The following BPIFB6 variants were observed in gnomAD, a reference collection of about 807,000 sequenced individuals.
BPIFB6 encodes the protein BPI fold-containing family B member 6.
In BPIFB6, 47 loss-of-function variants were observed where a neutral mutation model predicts 54.7. The observed-to-expected ratio is 0.86, with a 90% confidence interval of 0.68 to 1.10. The LOEUF (loss-of-function observed/expected upper bound fraction) is 1.10. Among genes scored for constraint, BPIFB6 ranks in the 50% least tolerant of loss-of-function variants. The pLI is 0.00. For missense variants in BPIFB6, 603 were observed against 564.1 expected, an observed-to-expected ratio of 1.07 and a Z score of -0.70; for synonymous variants, 255 against 225.9, an observed-to-expected ratio of 1.13 and a Z score of -1.16.
chr20:33,032,928 G>A, intron 1 of BPIFB6, 56 bp from the exon 2 acceptor site: 1 of 1,416,382 alleles, frequency 7.1e-7, no homozygotes, highest in Non-Finnish European at 1.0e-6. Flanking sequence ...AGTGGCCTGG[G>A]ATACCTGAGT....
intron 8 of BPIFB6, among the ~76,000 whole-genome samples, chr20:33,038,170 A>T (rs1600525672): frequency 6.6e-6 from 1 of 152,116 alleles, no homozygotes; most frequent in Admixed American, 6.5e-5. Flanking sequence ...GAATGTATGC[A>T]CCTGCCATGT....
In BPIFB6 at chr20:33,034,854, T is replaced by C; in HGVS notation, c.394T>C (p.Phe132Leu). The stretch of plus-strand genomic sequence containing the variant: ...GGATGAGGAGACAGGCCTCCCCGTG[T>C]TCAAGAGTGAGGGCTGTGAGGTCAT... The part of the protein sequence containing the change: ...LRDEETGLPV[F>L]KSEGCEVILV... Residue 132 changes from phenylalanine (F) to leucine (L), a missense_variant, in exon 4 of 15, where the codon TTC (phenylalanine) becomes CTC (leucine). Physicochemically the swap from Phe to Leu is conservative, Grantham distance 22. Transcript: ENST00000349552. 1 of 1,613,764 alleles carries C rather than the reference T, an allele frequency of 6.2e-7. No individual in the cohort carries two copies. The highest frequency in any genetic ancestry group is 8.5e-7 in the Non-Finnish European group (1 of 1,179,744).
rs574597949 is a variant in BPIFB6 at position 33,038,131 on chromosome 20, A to T, written c.846+393A>T. On this transcript the variant is annotated intron_variant, in intron 8 of 14. Transcript: ENST00000349552. The stretch of plus-strand genomic sequence containing the variant: ...CCTTCATATCATCCACATAACACCT[A>T]CTACAAAGTCTGATACTGTTGAATG... Among the ~76,000 whole-genome samples, 5 of 152,122 alleles carry T rather than the reference A, an allele frequency of 3.3e-5. No individual in the cohort carries two copies. In the South Asian group the frequency reaches 1.0e-3, roughly 32 times the overall value.
chr20:33,041,515 T>C (rs1979584060), intron 11 of BPIFB6, among the ~76,000 whole-genome samples: 1 of 152,074 alleles, frequency 6.6e-6, no homozygotes, highest in Admixed American at 6.5e-5. Context: ...GAATAGAGAA[T>C]AGATGAGCAG....
chr20:33,043,329 G>A lies in BPIFB6; in HGVS notation c.1291G>A (p.Ala431Thr), dbSNP rs1362857747. The A allele has an allele frequency of 6.2e-7, 1 of 1,614,174 alleles. No individual in the cohort carries two copies. The highest frequency in any genetic ancestry group is 1.7e-5 in the Admixed American group (1 of 60,020). Reference protein sequence around the residue: ...QVGLPLPDFLAMNYNLAELDI... With the variant: ...QVGLPLPDFLTMNYNLAELDI... Reference sequence around the variant, plus strand: ...GGGGCTCCCACTCCCGGACTTTCTGGCCATGAATTACAACCTGGCTGAGCT... The same window carrying A: ...GGGGCTCCCACTCCCGGACTTTCTGACCATGAATTACAACCTGGCTGAGCT... The change falls in exon 14 of 15, where the codon GCC (alanine) becomes ACC (threonine). Residue 431 changes from alanine to threonine, a missense_variant. Coordinates refer to ENST00000349552, the MANE Select transcript of BPIFB6 (RefSeq NM_174897.2).
At chr20:33,032,454 G>A (rs1246118536) in intron 1 of BPIFB6, among the ~76,000 whole-genome samples, 1 of 152,152 alleles carries the variant, frequency 6.6e-6, no homozygotes, top group Non-Finnish European at 1.5e-5. Flanking sequence ...GTCCCCAGAG[G>A]AGTCCCCTAA....
intron 4 of BPIFB6, 28 bp downstream of exon 4, chr20:33,034,940 G>A (rs769630150): frequency 1.9e-6 from 3 of 1,605,796 alleles, no homozygotes; most frequent in Non-Finnish European, 1.7e-6. Context: ...TGGGGAGGAA[G>A]GCCGGTCCAT....
chr20:33,042,109 G>T, intron 12 of BPIFB6, 94 bp downstream of exon 12: 1 of 1,306,746 alleles, frequency 7.7e-7, no homozygotes, highest in Non-Finnish European at 1.1e-6. Context: ...TGAAATGGAG[G>T]CAGATGAACA....
At position 33,033,076 on chromosome 20, in the gene BPIFB6, A is replaced by G; in HGVS notation, c.190A>G (p.Ile64Val). 2.5e-6 allele frequency: 4 copies of G among 1,613,308 alleles called. No individual in the cohort carries two copies. The highest frequency in any genetic ancestry group is 3.4e-6 in the Non-Finnish European group (4 of 1,179,290). ...GCCAGGGATGAAACCTATCAAGGGC[A>G]TCACCAAGTGAGTAGGGGAGGGGAG... ...KQPGMKPIKG[I>V]TNLKVKDVQL... is the part of the protein sequence containing the mutation. The change falls in exon 2 of 15, where the codon ATC becomes GTC. Residue 64 changes from isoleucine to valine, a missense_variant. Ile to Val is a conservative substitution (Grantham distance 29). Transcript: ENST00000349552.
At chr20:33,032,422 C>T (rs1017734003) in intron 1 of BPIFB6, among the ~76,000 whole-genome samples, 9 of 152,158 alleles carry the variant, frequency 5.9e-5, no homozygotes, top group African/African-American at 1.9e-4. Flanking sequence ...TTCTCTGCTT[C>T]AGGCCCAAAG....
In BPIFB6 at chr20:33,036,519, A is replaced by G. The variant is rs756066193; in HGVS notation, c.652A>G (p.Ile218Val). 1.2e-6 allele frequency: 2 copies of G among 1,614,204 alleles called. No individual in the cohort carries two copies. The highest frequency in any genetic ancestry group is 4.5e-5 in the East Asian group (2 of 44,874). Residue 218 changes from isoleucine (I) to valine (V), a missense_variant, in exon 7 of 15, where the codon ATC (isoleucine) becomes GTC (valine). Physicochemically the swap from Ile to Val is conservative, Grantham distance 29. Transcript: ENST00000349552. ...CGCACCAGCCACCACAGCCAGCTAC[A>G]TCCAACTGGACTTCAGTGTAAGCGC... ...MSAPATTASYIQLDFSPVVQQ... is the reference protein window; with the variant it reads ...MSAPATTASYVQLDFSPVVQQ...
intron 7 of BPIFB6, 80 bp downstream of exon 7, chr20:33,036,616 G>T: frequency 7.5e-7 from 1 of 1,338,806 alleles, no homozygotes; most frequent in South Asian, 1.2e-5. Context: ...GCCAGGACAG[G>T]TGGCTGGACT....
chr20:33,033,314 A>AT (rs763633627), intron 2 of BPIFB6: 10 of 628,132 alleles, frequency 1.6e-5, no homozygotes, highest in Non-Finnish European at 2.7e-5. Context: ...GAGCAGGGTC[A>AT]TTTTGAGGAG....
At chr20:33,040,157 G>T (rs1979517605) in intron 10 of BPIFB6, 94 bp from the exon 11 acceptor site, 1 of 1,108,616 alleles carries the variant, frequency 9.0e-7, no homozygotes, top group Non-Finnish European at 1.4e-6. Context: ...CTTGGCAATG[G>T]TGGTAGTGCT....
intron 2 of BPIFB6, 87 bp downstream of exon 2, chr20:33,033,170 A>G (rs770472572): frequency 3.5e-5 from 36 of 1,022,776 alleles, no homozygotes; most frequent in Non-Finnish European, 5.4e-5. Context: ...AGGCCAGGTA[A>G]TGGAGCTGGT....
At chr20:33,038,481 G>A (rs758060681) in intron 8 of BPIFB6, among the ~76,000 whole-genome samples, 10 of 151,326 alleles carry the variant, frequency 6.6e-5, no homozygotes, top group South Asian at 2.1e-4. Context: ...CCATCTTTCC[G>A]TCCACACATC....
In BPIFB6 at chr20:33,039,483, G is replaced by A. The variant is rs775084528; in HGVS notation, c.1037G>A (p.Arg346Gln). The change falls in exon 10 of 15, where the codon CGG (arginine) becomes CAG (glutamine). Residue 346 changes from arginine to glutamine, a missense_variant. Physicochemically the swap from Arg to Gln is conservative, Grantham distance 43 (BLOSUM62 1). Coordinates refer to ENST00000349552, the MANE Select transcript of BPIFB6 (RefSeq NM_174897.2). ...STLEMFAARW[R>Q]SKAPMSLFLL... ...CTGGAGATGTTCGCAGCTCGGTGGCGGAGCAAGGCTCCAATGTCCCTCTTT... is the reference window on the plus strand; with the variant it reads ...CTGGAGATGTTCGCAGCTCGGTGGCAGAGCAAGGCTCCAATGTCCCTCTTT... 87 of 1,613,304 alleles carry A rather than the reference G, an allele frequency of 5.4e-5. No individual in the cohort carries two copies. The highest frequency in any genetic ancestry group is 9.9e-5 in the South Asian group (9 of 90,858).
At chr20:33,040,440 G>A in intron 11 of BPIFB6, 122 bp downstream of exon 11, 1 of 890,340 alleles carries the variant, frequency 1.1e-6, no homozygotes, top group Non-Finnish European at 1.8e-6. Context: ...GGCTGCTCTA[G>A]CTACTTTTCC....
At position 33,037,615 on chromosome 20, in the gene BPIFB6, G is replaced by A; in HGVS notation, c.723G>A (p.Glu241=). ...GKTIKLADAG[E]ALTFPEGYAK... ...CCATCAAGCTTGCTGATGCCGGGGA[G>A]GCCCTCACGTTCCCTGAGGGTTATG... The change falls in exon 8 of 15, where the codon GAG becomes GAA. Residue 241 remains glutamate (E), a synonymous_variant. Transcript: ENST00000349552. 2 of 1,614,012 alleles carry A rather than the reference G, an allele frequency of 1.2e-6. No individual in the cohort carries two copies. Among genetic ancestry groups the A allele is most frequent in the Non-Finnish European group, 1.7e-6 (2 of 1,179,924 alleles).
Sources: allele counts gnomAD v4.1 joint callset (sites outside exome capture counted in the v4.1 genomes callset), GRCh38; gene constraint gnomAD v4.1.1; transcripts MANE v1.5; gene names NCBI Gene and HGNC (gene_info 2026-07-23, HGNC 2026-07-21).